Variants in CORO2B observed in about 807,000 individuals in gnomAD.
CORO2B encodes coronin-2B.
CORO2B carries 26 observed loss-of-function variants against 58.8 expected under a neutral mutation model. That is an observed-to-expected ratio of 0.44 (90% CI 0.32 to 0.61). The LOEUF is 0.61. Among genes scored for constraint, CORO2B ranks in the 20% least tolerant of loss-of-function variants. CORO2B has a pLI of 0.04. For missense variants in CORO2B, 460 were observed against 645.1 expected, an observed-to-expected ratio of 0.71 and a Z score of 3.11; for synonymous variants, 242 against 253.8, an observed-to-expected ratio of 0.95 and a Z score of 0.44.
chr15:68,542,485 C>G, the CORO2B span, among the ~76,000 whole-genome samples: 1 of 152,236 alleles, frequency 6.6e-6, no homozygotes. Flanking sequence ...TTTGCTTTAA[C>G]AGCACTTCAC....
intron 3 of CORO2B, among the ~76,000 whole-genome samples, chr15:68,701,961 G>C (rs1165093692): frequency 6.6e-6 from 1 of 152,138 alleles, no homozygotes; most frequent in Non-Finnish European, 1.5e-5. Flanking sequence ...AACTTGCCCA[G>C]GCCGGGCACG....
the CORO2B span, among the ~76,000 whole-genome samples, chr15:68,568,160 G>A: frequency 6.6e-6 from 1 of 152,226 alleles, no homozygotes; most frequent in Admixed American, 6.5e-5. Flanking sequence ...AAAGTTGGAG[G>A]TTGAGTACAG....
At chr15:68,546,651 G>A in the CORO2B span, among the ~76,000 whole-genome samples, 3 of 152,202 alleles carry the variant, frequency 2.0e-5, no homozygotes, top group African/African-American at 7.2e-5. Flanking sequence ...CTGACCAGAT[G>A]CTCAATAGTT....
chr15:68,585,156 T>C (rs1252838932), intron 1 of CORO2B, among the ~76,000 whole-genome samples: 1 of 152,190 alleles, frequency 6.6e-6, no homozygotes, highest in African/African-American at 2.4e-5. Context: ...CATGGGTTAC[T>C]TCCCTGAATC....
chr15:68,705,100 G>T (rs1187123102), intron 3 of CORO2B, among the ~76,000 whole-genome samples: 1 of 152,126 alleles, frequency 6.6e-6, no homozygotes, highest in East Asian at 1.9e-4. Flanking sequence ...TATAGCCATG[G>T]GTCAAGCAGA....
At chr15:68,716,842 T>C (rs1893042194) in intron 8 of CORO2B, among the ~76,000 whole-genome samples, 1 of 143,110 alleles carries the variant, frequency 7.0e-6, no homozygotes, top group Non-Finnish European at 1.5e-5. Flanking sequence ...TAGCAGGAGA[T>C]GGGGGGAGGA....
At position 68,726,367 on chromosome 15, in the gene CORO2B, C is replaced by T. The variant is rs1893300093; in HGVS notation, c.*393C>T. 2 of 280,694 alleles carry T rather than the reference C, an allele frequency of 7.1e-6. No homozygotes were observed. Among genetic ancestry groups the T allele is most frequent in the African/African-American group, 4.7e-5 (2 of 42,562 alleles). 17.4% of individuals were successfully genotyped at this position (280,694 alleles called of 1,614,324 possible). A position where few individuals can be genotyped will look rare whatever the true frequency, so the allele number is the denominator to read the frequency against. On this transcript the variant is annotated 3_prime_UTR_variant, in exon 12 of 12. Coordinates refer to ENST00000261861, the MANE Select transcript of CORO2B (RefSeq NM_006091.5). ...TGTGAAGGGGGCTGCCAGGACATCT[C>T]AGCACTCCCGCCTGGAGCTCTCAGC...
intron 3 of CORO2B, among the ~76,000 whole-genome samples, chr15:68,703,274 C>T (rs12050853): frequency 0.23 from 34,757 of 151,034 alleles, 4,734 homozygotes; most frequent in East Asian, 0.44. Flanking sequence ...CCTCAGCTTC[C>T]CGAGTAGCTG....
chr15:68,721,836 C>A (rs1198585442), intron 11 of CORO2B, among the ~76,000 whole-genome samples: 2 of 152,174 alleles, frequency 1.3e-5, no homozygotes, highest in Admixed American at 1.3e-4. Flanking sequence ...TAACCTCAAT[C>A]TCCGAGGCTC....
intron 2 of CORO2B, among the ~76,000 whole-genome samples, chr15:68,694,099 G>A (rs1206099312): frequency 6.6e-6 from 1 of 152,130 alleles, no homozygotes; most frequent in Non-Finnish European, 1.5e-5. Flanking sequence ...GCCTCCCAAA[G>A]TGCTGGGATT....
intron 2 of CORO2B, among the ~76,000 whole-genome samples, chr15:68,669,155 GAAAA>G (rs1290342401): frequency 6.6e-6 from 1 of 150,848 alleles, no homozygotes; most frequent in Admixed American, 6.7e-5. Flanking sequence ...GAAAGAAAAA[GAAAA>G]GAAAGAAAGA....
chr15:68,574,990 A>G (rs778853434), upstream of CORO2B, among the ~76,000 whole-genome samples: 1 of 152,228 alleles, frequency 6.6e-6, no homozygotes, highest in Non-Finnish European at 1.5e-5. Context: ...CACAATGTGT[A>G]CCGTATCCCC....
At chr15:68,685,736 A>T (rs549421702) in intron 2 of CORO2B, among the ~76,000 whole-genome samples, 31 of 148,150 alleles carry the variant, frequency 2.1e-4, no homozygotes, top group African/African-American at 7.7e-4. Flanking sequence ...CCTCTCAGAT[A>T]TTGGGATTAA....
chr15:68,724,060 G>A (rs1232420993), intron 11 of CORO2B, among the ~76,000 whole-genome samples: 3 of 151,990 alleles, frequency 2.0e-5, no homozygotes, highest in African/African-American at 7.2e-5. Flanking sequence ...AAATTAGCCG[G>A]GCGTGATGGC....
the CORO2B span, among the ~76,000 whole-genome samples, chr15:68,556,776 C>T: frequency 8.5e-4 from 130 of 152,316 alleles, 1 homozygote; most frequent in South Asian, 0.026. Context: ...CTGTGGCTGC[C>T]GAGGGACTCA....
intron 1 of CORO2B, among the ~76,000 whole-genome samples, chr15:68,638,471 C>A (rs1351312392): frequency 6.6e-6 from 1 of 152,166 alleles, no homozygotes; most frequent in Non-Finnish European, 1.5e-5. Context: ...AGTCCAAAGT[C>A]GTACAACTAA....
chr15:68,701,982 C>T (rs558745788), intron 3 of CORO2B, among the ~76,000 whole-genome samples: 1 of 152,254 alleles, frequency 6.6e-6, no homozygotes, highest in South Asian at 2.1e-4. Context: ...GTAGCTCACG[C>T]CTGTAATCCC....
intron 1 of CORO2B, among the ~76,000 whole-genome samples, chr15:68,619,063 A>T (rs901390975): frequency 6.8e-4 from 104 of 152,322 alleles, no homozygotes; most frequent in African/African-American, 2.4e-3. Flanking sequence ...GCAGCCCCAG[A>T]TACAATTACA....
At chr15:68,527,564 A>C in the CORO2B span, among the ~76,000 whole-genome samples, 1 of 152,186 alleles carries the variant, frequency 6.6e-6, no homozygotes, top group Non-Finnish European at 1.5e-5. Flanking sequence ...TCTCTTCATT[A>C]CTGTAGCTTT....
Sources: gnomAD v4.1 joint callset for allele counts (sites outside exome capture counted in the v4.1 genomes callset) on GRCh38, gnomAD v4.1.1 for gene constraint, MANE v1.5 for transcripts, NCBI Gene and HGNC (gene_info 2026-07-23, HGNC 2026-07-21) for gene names.